SUFU: variants seen among roughly 807,000 people sequenced by gnomAD.
The protein encoded by SUFU is suppressor of fused homolog.
A neutral mutation model predicts 58.9 loss-of-function variants in SUFU; 7 were observed. The ratio of observed to expected loss-of-function variants is 0.12; its 90% CI spans 0.07 to 0.22. The LOEUF is 0.22. Among genes scored for constraint, SUFU ranks in the 10% least tolerant of loss-of-function variants. The pLI, the probability that SUFU is intolerant of heterozygous loss-of-function variation, is 1.00. For missense variants in SUFU, 451 were observed against 641.3 expected (o/e 0.70, Z 3.20); for synonymous variants, 232 against 254.8 (o/e 0.91, Z 0.85).
At chr10:102,583,918 C>CTA (rs968098831) in intron 3 of SUFU, among the ~76,000 whole-genome samples, 1 of 152,174 alleles carries the variant, frequency 6.6e-6, no homozygotes, top group African/African-American at 2.4e-5. Flanking sequence ...TTTCTACAGA[C>CTA]TAGACATCAG....
chr10:102,507,984 T>A (rs1228181870), intron 1 of SUFU, among the ~76,000 whole-genome samples: 3 of 127,286 alleles, frequency 2.4e-5, no homozygotes, highest in Non-Finnish European at 3.4e-5. Flanking sequence ...TTTTTTTTTT[T>A]AGACAAAGTC....
chr10:102,516,125 C>CTTTTTTTTTTTTTTTTTTTTTTTTTTT (rs60544094), intron 2 of SUFU, among the ~76,000 whole-genome samples: 13 of 125,564 alleles, frequency 1.0e-4, no homozygotes, highest in Non-Finnish European at 1.8e-4. Flanking sequence ...TCTTTCTTTT[C>CTTTTTTTTTTTTTTTTTTTTTTTTTTT]TTTTTTTTTT....
Position 102,617,362 on chromosome 10 carries a change from C to A in SUFU, c.1230C>A (p.Ser410=). Residue 410 remains serine, a synonymous_variant, in exon 10 of 12, where the codon TCC becomes TCA. Coordinates refer to ENST00000369902, the MANE Select transcript of SUFU (RefSeq NM_016169.4). This position sits in a 1 kb window ranked among gnomAD's most constrained non-coding sequence, Gnocchi z 4.4. ...GTGACATGGCCATCACGTTTGTCTCCACGGGAGTGGAAGGCGCCTTTGCCA... is the reference window on the plus strand; with the variant it reads ...GTGACATGGCCATCACGTTTGTCTCAACGGGAGTGGAAGGCGCCTTTGCCA... ...ITGDMAITFV[S]TGVEGAFATE... The A allele has an allele frequency of 6.2e-7, 1 of 1,614,238 alleles. No individual in the cohort carries two copies. The highest frequency in any genetic ancestry group is 1.6e-4 in the Middle Eastern group (1 of 6,062).
chr10:102,591,366 G>T (rs1400920603), intron 3 of SUFU, among the ~76,000 whole-genome samples: 1 of 152,114 alleles, frequency 6.6e-6, no homozygotes, highest in Non-Finnish European at 1.5e-5. Flanking sequence ...CAGGTGTGGT[G>T]GCACATGCCA....
At chr10:102,560,465 C>G (rs1401522679) in intron 3 of SUFU, among the ~76,000 whole-genome samples, 1 of 152,004 alleles carries the variant, frequency 6.6e-6, no homozygotes, top group East Asian at 1.9e-4. Flanking sequence ...GTCCCAGCTA[C>G]TTGGGAGGCT....
chr10:102,518,766 C>CA, intron 2 of SUFU, among the ~76,000 whole-genome samples: 1 of 151,892 alleles, frequency 6.6e-6, no homozygotes, highest in Non-Finnish European at 1.5e-5. Context: ...AGGCTGGTCT[C>CA]AAACTCATGA....
intron 3 of SUFU, among the ~76,000 whole-genome samples, chr10:102,580,035 C>CCCCCG (rs1564691011): frequency 4.1e-5 from 5 of 121,110 alleles, no homozygotes; most frequent in South Asian, 2.8e-4. Flanking sequence ...CCGCACCCCC[C>CCCCCG]CCCCGCCCCC....
chr10:102,581,434 A>G (rs1038398852), intron 3 of SUFU, among the ~76,000 whole-genome samples: 1 of 152,122 alleles, frequency 6.6e-6, no homozygotes, highest in Non-Finnish European at 1.5e-5. Flanking sequence ...GGAGTCATGA[A>G]GCTCCCAGGC....
At chr10:102,571,387 G>A (rs2063158677) in intron 3 of SUFU, among the ~76,000 whole-genome samples, 2 of 152,132 alleles carry the variant, frequency 1.3e-5, no homozygotes, top group Non-Finnish European at 2.9e-5. Context: ...TAAGGAGGCC[G>A]GGCACAGTGG....
In SUFU at chr10:102,617,189, C is replaced by T. The variant is rs78549129; in HGVS notation, c.1158-101C>T. On this transcript the variant is annotated intron_variant, in intron 9 of 11. Transcript: ENST00000369902. This position sits in a 1 kb window ranked among gnomAD's most constrained non-coding sequence, Gnocchi z 4.4. ...CCAGGAGGGCATGTTACCTGGCCCG[C>T]GGACCATAGTCCCCACTGTCCCAGA... is the stretch of plus-strand genomic sequence containing the variant. 0.02 allele frequency: 30,754 copies of T among 1,526,032 alleles called. 755 individuals carry two copies. The highest frequency in any genetic ancestry group is 0.12 in the African/African-American group (8,540 of 73,340). The allele number at this position is 1,526,032 out of a possible 1,614,324, so 94.5% of individuals were successfully genotyped here.
rs1230187551 is a variant in SUFU at position 102,633,361 on chromosome 10, T to C, written c.*3206T>C. ...TGGGGCTGCAGCCAGCCTGGGACTT[T>C]TGTAAGAATTTTTGGGTGACTCACT... On this transcript the variant is annotated 3_prime_UTR_variant, in exon 12 of 12. Transcript: ENST00000369902. 3.9e-5 allele frequency: 9 copies of C among 233,270 alleles called. No homozygotes were observed. Among genetic ancestry groups the C allele is most frequent in the Non-Finnish European group, 5.9e-5 (7 of 117,826 alleles). The allele number at this position is 233,270 out of a possible 1,614,324, so 14.5% of individuals were successfully genotyped here. A position where few individuals can be genotyped will look rare whatever the true frequency, so the allele number is the denominator to read the frequency against.
intron 4 of SUFU, 106 bp from the exon 5 acceptor site, chr10:102,593,530 C>G: frequency 9.1e-7 from 1 of 1,093,804 alleles, no homozygotes; most frequent in Non-Finnish European, 1.4e-6. Context: ...ACAGATCCTG[C>G]CTGTGGTCTC....
chr10:102,534,120 C>CT (rs893751868), intron 2 of SUFU, among the ~76,000 whole-genome samples: 4 of 152,126 alleles, frequency 2.6e-5, no homozygotes, highest in Non-Finnish European at 5.9e-5. Flanking sequence ...GGGGCGGAGA[C>CT]TGAGTCCTGG....
At chr10:102,580,589 GAA>G (rs1189348846) in intron 3 of SUFU, among the ~76,000 whole-genome samples, 1 of 152,118 alleles carries the variant, frequency 6.6e-6, no homozygotes, top group East Asian at 1.9e-4. Flanking sequence ...CTGTTACCAG[GAA>G]AAGTCAGTGT....
chr10:102,595,366 C>T (rs776407235), intron 6 of SUFU, among the ~76,000 whole-genome samples: 2 of 152,196 alleles, frequency 1.3e-5, no homozygotes, highest in Admixed American at 6.5e-5. Flanking sequence ...CTGCCAGGAT[C>T]CTCTGTTCTC....
In SUFU at chr10:102,628,761, G is replaced by C. The variant is rs897880384; in HGVS notation, c.1366-1305G>C. The stretch of plus-strand genomic sequence containing the variant: ...GAGCGAAGAGGGAGGCAGCCAGGAA[G>C]GGTCAGGCTCGTCTGCCTCCAGCCC... On this transcript the variant is annotated intron_variant, in intron 11 of 11. Transcript: ENST00000369902. This position sits in a 1 kb window ranked among gnomAD's most constrained non-coding sequence, Gnocchi z 4.5. Among the ~76,000 whole-genome samples, 1 of 152,234 alleles carries C rather than the reference G, an allele frequency of 6.6e-6. No individual in the cohort carries two copies. Among genetic ancestry groups the C allele is most frequent in the Non-Finnish European group, 1.5e-5 (1 of 68,034 alleles).
chr10:102,586,271 G>A (rs2063335085), intron 3 of SUFU, among the ~76,000 whole-genome samples: 1 of 152,166 alleles, frequency 6.6e-6, no homozygotes, highest in African/African-American at 2.4e-5. Context: ...TTATTGAGTT[G>A]TAAGAACTCT....
At chr10:102,526,794 T>G (rs1320591919) in intron 2 of SUFU, among the ~76,000 whole-genome samples, 1 of 151,554 alleles carries the variant, frequency 6.6e-6, no homozygotes, top group Admixed American at 6.6e-5. Context: ...ATGCTGGGAG[T>G]CCTGATGAAG....
intron 2 of SUFU, among the ~76,000 whole-genome samples, chr10:102,509,964 G>C (rs566574706): frequency 6.6e-6 from 1 of 151,872 alleles, no homozygotes; most frequent in African/African-American, 2.4e-5. Context: ...TCAGCCTCCC[G>C]AGTAGCTGGG....
Sources: gnomAD v4.1 joint callset for allele counts (sites outside exome capture counted in the v4.1 genomes callset) on GRCh38, gnomAD v4.1.1 for gene constraint, Gnocchi (gnomAD v3.1) non-coding constraint, MANE v1.5 for transcripts, NCBI Gene and HGNC (gene_info 2026-07-23, HGNC 2026-07-21) for gene names.